The following ENTREP2 variants were observed in gnomAD, a reference collection of about 807,000 sequenced individuals.
ENTREP2 encodes the protein protein ENTREP2.
the ENTREP2 span, among the ~76,000 whole-genome samples, chr15:29,396,997 A>G: frequency 2.0e-5 from 3 of 152,228 alleles, no homozygotes; most frequent in African/African-American, 7.2e-5. Context: ...CCCACAAACC[A>G]AAATACATTA....
the ENTREP2 span, among the ~76,000 whole-genome samples, chr15:29,643,329 T>C: frequency 9.2e-5 from 14 of 152,096 alleles, no homozygotes; most frequent in Non-Finnish European, 1.3e-4. Context: ...TTAGAATAGA[T>C]AGACATTTCT....
the ENTREP2 span, among the ~76,000 whole-genome samples, chr15:29,548,282 C>CGGTG: frequency 6.6e-6 from 1 of 151,580 alleles, no homozygotes; most frequent in Non-Finnish European, 1.5e-5. Flanking sequence ...GGCAAAACAC[C>CGGTG]ATCTCTACTA....
the ENTREP2 span, among the ~76,000 whole-genome samples, chr15:29,446,654 A>G: frequency 6.6e-6 from 1 of 152,232 alleles, no homozygotes; most frequent in African/African-American, 2.4e-5. Flanking sequence ...GGCTGCCACA[A>G]CAAATTACCT....
chr15:29,445,479 G>A, the ENTREP2 span, among the ~76,000 whole-genome samples: 1 of 152,104 alleles, frequency 6.6e-6, no homozygotes, highest in Non-Finnish European at 1.5e-5. Context: ...AACCAATGAT[G>A]TAATCAATCA....
At chr15:29,476,289 C>T in the ENTREP2 span, among the ~76,000 whole-genome samples, 1 of 152,180 alleles carries the variant, frequency 6.6e-6, no homozygotes, top group African/African-American at 2.4e-5. Context: ...CAGAAGCCAC[C>T]ATAAAGTTGA....
chr15:29,458,211 G>A, the ENTREP2 span, among the ~76,000 whole-genome samples: 1 of 152,122 alleles, frequency 6.6e-6, no homozygotes, highest in Non-Finnish European at 1.5e-5. Flanking sequence ...AGGAGAAAAT[G>A]AATGTCCCAA....
the ENTREP2 span, among the ~76,000 whole-genome samples, chr15:29,667,211 A>G: frequency 2.0e-5 from 3 of 150,064 alleles, no homozygotes; most frequent in East Asian, 2.0e-4. Context: ...TTTTTGAGGC[A>G]GAGTCTCACT....
At chr15:29,643,023 C>T in the ENTREP2 span, among the ~76,000 whole-genome samples, 29 of 152,108 alleles carry the variant, frequency 1.9e-4, no homozygotes, top group Non-Finnish European at 4.1e-4. Flanking sequence ...CAAGTAAAAA[C>T]GAATTAAAGA....
the ENTREP2 span, among the ~76,000 whole-genome samples, chr15:29,289,206 C>CA: frequency 0.024 from 1,878 of 77,804 alleles, 11 homozygotes; most frequent in Middle Eastern, 0.066. Context: ...GACCCTGTCT[C>CA]AAAAAAAAAA....
the ENTREP2 span, among the ~76,000 whole-genome samples, chr15:29,260,178 T>A: frequency 6.6e-6 from 1 of 152,224 alleles, no homozygotes; most frequent in Non-Finnish European, 1.5e-5. Flanking sequence ...ACCAGTCTTA[T>A]GCAAACTCTC....
At chr15:29,468,632 G>C in the ENTREP2 span, among the ~76,000 whole-genome samples, 2 of 141,576 alleles carry the variant, frequency 1.4e-5, no homozygotes, top group African/African-American at 5.3e-5. Flanking sequence ...AAAAAAGCAA[G>C]ACAGATAATC....
At chr15:29,630,301 T>G in the ENTREP2 span, among the ~76,000 whole-genome samples, 1 of 152,208 alleles carries the variant, frequency 6.6e-6, no homozygotes, top group Non-Finnish European at 1.5e-5. Context: ...TACTTCCTCC[T>G]GGTCTCCATG....
At chr15:29,468,952 C>T in the ENTREP2 span, among the ~76,000 whole-genome samples, 1 of 152,084 alleles carries the variant, frequency 6.6e-6, no homozygotes, top group Non-Finnish European at 1.5e-5. Flanking sequence ...CACACAAAAC[C>T]TGCACAAAGG....
chr15:29,657,186 T>C, the ENTREP2 span, among the ~76,000 whole-genome samples: 161 of 151,238 alleles, frequency 1.1e-3, no homozygotes, highest in Non-Finnish European at 1.3e-3. Flanking sequence ...CAGCTGGGAC[T>C]ACACGCGCCC....
chr15:29,426,082 T>C, the ENTREP2 span, among the ~76,000 whole-genome samples: 2 of 151,646 alleles, frequency 1.3e-5, no homozygotes, highest in Non-Finnish European at 2.9e-5. Context: ...TTTATTTTAA[T>C]AACAAGTAAA....
the ENTREP2 span, among the ~76,000 whole-genome samples, chr15:29,527,682 C>A: frequency 2.4e-4 from 36 of 152,136 alleles, no homozygotes; most frequent in Non-Finnish European, 4.4e-4. Context: ...CACCACCATT[C>A]TTCATGAGCC....
chr15:29,234,379 G>A, the ENTREP2 span: 1 of 1,562,160 alleles, frequency 6.4e-7, no homozygotes, highest in Non-Finnish European at 8.8e-7. Context: ...TCACTCTGCA[G>A]GACTTATTAT....
chr15:29,530,170 C>T, the ENTREP2 span, among the ~76,000 whole-genome samples: 30 of 152,214 alleles, frequency 2.0e-4, no homozygotes, highest in African/African-American at 6.0e-4. Flanking sequence ...AAAGCTCTTC[C>T]GAACAAGGCT....
the ENTREP2 span, among the ~76,000 whole-genome samples, chr15:29,458,533 C>A: frequency 1.3e-5 from 2 of 152,112 alleles, no homozygotes; most frequent in Admixed American, 1.3e-4. Flanking sequence ...TCAAAGCCTC[C>A]CTGCCCCTCC....
Sources: gnomAD v4.1 joint callset for allele counts (sites outside exome capture counted in the v4.1 genomes callset) on GRCh38, gnomAD v4.1.1 for gene constraint, MANE v1.5 for transcripts, NCBI Gene and HGNC (gene_info 2026-07-23, HGNC 2026-07-21) for gene names.